The following MAP2K1 variants were observed in gnomAD, a reference collection of about 807,000 sequenced individuals.
The protein encoded by MAP2K1 is dual specificity mitogen-activated protein kinase kinase 1.
A neutral mutation model predicts 46.3 loss-of-function variants in MAP2K1; 16 were observed. That is an observed-to-expected ratio of 0.35 (90% CI 0.23 to 0.52). The LOEUF is 0.52. Ranked by LOEUF, MAP2K1 falls within the 20% of genes least tolerant of loss-of-function variation. The pLI is 0.94. For synonymous variants in MAP2K1, 183 were observed against 185.6 expected (o/e 0.99, Z 0.11); for missense variants, 263 against 497.1 (o/e 0.53, Z 4.48).
At chr15:66,464,974 G>A (rs913605962) in intron 5 of MAP2K1, among the ~76,000 whole-genome samples, 2 of 151,768 alleles carry the variant, frequency 1.3e-5, no homozygotes, top group African/African-American at 4.8e-5. Flanking sequence ...TGTAATCCCA[G>A]CACTTTGGGA....
intron 5 of MAP2K1, among the ~76,000 whole-genome samples, chr15:66,467,898 T>C (rs192871450): frequency 3.3e-4 from 50 of 152,338 alleles, no homozygotes; most frequent in Non-Finnish European, 4.7e-4. Flanking sequence ...GGGCTGGGTT[T>C]ATAGTTTTGT....
At chr15:66,446,950 A>G (rs1474215522) in intron 5 of MAP2K1, among the ~76,000 whole-genome samples, 4 of 152,174 alleles carry the variant, frequency 2.6e-5, no homozygotes, top group Non-Finnish European at 5.9e-5. Flanking sequence ...ATTATACCTC[A>G]GTATAGTTGC....
chr15:66,392,279 TAAGA>T lies in MAP2K1; in HGVS notation c.80+4856_80+4859del, dbSNP rs1431814031. ...GGTTTTTTTTTTTTTTTTTTTTTTT[TAAGA>T]AAGGGTTTCGCTCCCACTGCCCAGG... On this transcript the variant is annotated intron_variant, in intron 1 of 10. Transcript: ENST00000307102. Among the ~76,000 whole-genome samples the T allele has an allele frequency of 3.0e-5, 4 of 133,418 alleles. No individual in the cohort carries two copies. The East Asian group carries it at 8.4e-4, about 28-fold the overall frequency. The allele number at this position is 133,418 out of a possible 152,430, so 87.5% of individuals were successfully genotyped here.
intron 1 of MAP2K1, among the ~76,000 whole-genome samples, chr15:66,432,735 C>G (rs1028075465): frequency 2.0e-5 from 3 of 152,200 alleles, no homozygotes; most frequent in Admixed American, 2.0e-4. Flanking sequence ...GTAAGACATT[C>G]GTTCTCTCTG....
intron 5 of MAP2K1, among the ~76,000 whole-genome samples, chr15:66,460,843 G>T (rs1286632467): frequency 2.6e-5 from 4 of 152,134 alleles, no homozygotes; most frequent in African/African-American, 9.7e-5. Flanking sequence ...GGTGCAAAGG[G>T]CAGGGACTGG....
At chr15:66,411,414 T>TGA (rs1194375691) in intron 1 of MAP2K1, among the ~76,000 whole-genome samples, 1 of 152,114 alleles carries the variant, frequency 6.6e-6, no homozygotes, top group Admixed American at 6.5e-5. Flanking sequence ...AGTGGGTAAA[T>TGA]GAGAGCCCTT....
rs146868142 is a variant in MAP2K1 at position 66,412,966 on chromosome 15, G to A, written c.81-22061G>A. On this transcript the variant is annotated intron_variant, in intron 1 of 10. Coordinates refer to ENST00000307102, the MANE Select transcript of MAP2K1 (RefSeq NM_002755.4). ...GCTGGAGTACAGTGGCGTGATCTCG[G>A]CTCACTGCAACCTCCACCTCCCAGG... Among the ~76,000 whole-genome samples the A allele has an allele frequency of 4.4e-3, 673 of 152,104 alleles. 5 individuals carry two copies. Among genetic ancestry groups the A allele is most frequent in the African/African-American group, 0.015 (624 of 41,486 alleles).
chr15:66,465,674 C>T (rs751163586), intron 5 of MAP2K1, among the ~76,000 whole-genome samples: 3 of 152,004 alleles, frequency 2.0e-5, no homozygotes, highest in East Asian at 1.9e-4. Context: ...GCAACAAGAG[C>T]GAAACTCCAT....
chr15:66,486,812 G>A (rs1046798757), intron 7 of MAP2K1, among the ~76,000 whole-genome samples: 1 of 152,190 alleles, frequency 6.6e-6, no homozygotes, highest in African/African-American at 2.4e-5. Context: ...TGGTGGCTGT[G>A]GCCTCTGAGG....
At chr15:66,452,237 T>C (rs1892035264) in intron 5 of MAP2K1, among the ~76,000 whole-genome samples, 1 of 133,462 alleles carries the variant, frequency 7.5e-6, no homozygotes, top group African/African-American at 2.8e-5. Context: ...TGTATACATA[T>C]GTAACTAACC....
At chr15:66,458,688 A>T (rs1197925825) in intron 5 of MAP2K1, among the ~76,000 whole-genome samples, 1 of 152,120 alleles carries the variant, frequency 6.6e-6, no homozygotes, top group Non-Finnish European at 1.5e-5. Flanking sequence ...GACTAATTTT[A>T]AAAATTTTCT....
chr15:66,487,558 G>A (rs1893083936), intron 8 of MAP2K1, among the ~76,000 whole-genome samples: 1 of 152,184 alleles, frequency 6.6e-6, no homozygotes. Flanking sequence ...AGAATTGCTT[G>A]AACCTGGGAG....
chr15:66,389,570 TG>T lies in MAP2K1; in HGVS notation c.80+2145del, dbSNP rs373506350. Among the ~76,000 whole-genome samples the T allele has an allele frequency of 2.5e-3, 304 of 120,422 alleles. 8 individuals are homozygous for T. Among genetic ancestry groups the T allele is most frequent in the African/African-American group, 3.9e-3 (128 of 32,682 alleles). 79.0% of individuals were successfully genotyped at this position (120,422 alleles called of 152,430 possible). ...CTAAGTTTGAAGCCTAGCTCTGTTGTGGTTTTTTTTTTTTTTTTTTTTTTTT... is the reference window on the plus strand; with the variant it reads ...CTAAGTTTGAAGCCTAGCTCTGTTGTGTTTTTTTTTTTTTTTTTTTTTTTT... On this transcript the variant is annotated intron_variant, in intron 1 of 10. Coordinates refer to ENST00000307102, the MANE Select transcript of MAP2K1 (RefSeq NM_002755.4).
chr15:66,471,257 A>G (rs1226704731), intron 5 of MAP2K1, among the ~76,000 whole-genome samples: 1 of 152,158 alleles, frequency 6.6e-6, no homozygotes, highest in Non-Finnish European at 1.5e-5. Context: ...TATATTGGTT[A>G]TATTTTTTTC....
At chr15:66,446,826 CA>C (rs1891881397) in intron 5 of MAP2K1, 1 of 237,858 alleles carries the variant, frequency 4.2e-6, no homozygotes, top group African/African-American at 2.3e-5. Flanking sequence ...CCATGGCATC[CA>C]AGATGGCGGG....
At chr15:66,460,812 G>A (rs1006658950) in intron 5 of MAP2K1, among the ~76,000 whole-genome samples, 3 of 152,138 alleles carry the variant, frequency 2.0e-5, no homozygotes, top group African/African-American at 7.2e-5. Flanking sequence ...GGGACAGGAT[G>A]GGGACAGATG....
intron 8 of MAP2K1, chr15:66,488,537 C>G (rs34093437): frequency 2.6e-5 from 4 of 153,404 alleles, no homozygotes; most frequent in African/African-American, 9.7e-5. Flanking sequence ...CTGCATGGAA[C>G]GCCATGAGCC....
chr15:66,400,662 C>T (rs1458082662), intron 1 of MAP2K1, among the ~76,000 whole-genome samples: 1 of 152,182 alleles, frequency 6.6e-6, no homozygotes, highest in Admixed American at 6.5e-5. Flanking sequence ...GGCTCAGTTA[C>T]ATGTTTGCTA....
At chr15:66,487,184 A>G (rs758490740) in intron 7 of MAP2K1, 44 bp from the exon 8 acceptor site, 2 of 1,543,950 alleles carry the variant, frequency 1.3e-6, no homozygotes, top group South Asian at 1.1e-5. Context: ...ATTAACAAGT[A>G]ATCTGTTTCT....
Sources: allele counts gnomAD v4.1 joint callset (sites outside exome capture counted in the v4.1 genomes callset), GRCh38; gene constraint gnomAD v4.1.1; transcripts MANE v1.5; gene names NCBI Gene and HGNC (gene_info 2026-07-23, HGNC 2026-07-21).